LRRC36: variants seen among roughly 807,000 people sequenced by gnomAD.
LRRC36 encodes the protein leucine-rich repeat-containing protein 36.
A neutral mutation model predicts 81.1 loss-of-function variants in LRRC36; 62 were observed. The observed-to-expected ratio is 0.76, with a 90% CI of 0.62 to 0.94. The LOEUF is 0.94. Ranked by LOEUF, LRRC36 falls within the 40% of genes least tolerant of loss-of-function variation. The pLI, the probability that LRRC36 is intolerant of heterozygous loss-of-function variation, is 0.00. For synonymous variants in LRRC36, 334 were observed against 348.6 expected, an observed-to-expected ratio of 0.96 and a Z score of 0.47; for missense variants, 761 against 881.7, an observed-to-expected ratio of 0.86 and a Z score of 1.73.
intron 5 of LRRC36, among the ~76,000 whole-genome samples, chr16:67,362,957 A>G (rs1456724418): frequency 1.3e-5 from 2 of 152,038 alleles, no homozygotes; most frequent in East Asian, 1.9e-4. Flanking sequence ...TAATTTTTGT[A>G]TTTTTAGTAG....
At chr16:67,369,797 G>A (rs1251183109) in intron 8 of LRRC36, among the ~76,000 whole-genome samples, 2 of 152,154 alleles carry the variant, frequency 1.3e-5, no homozygotes, top group South Asian at 2.1e-4. Flanking sequence ...CTATCACCAA[G>A]AACAGCATGG....
intron 2 of LRRC36, among the ~76,000 whole-genome samples, chr16:67,343,638 T>C (rs1165642148): frequency 2.7e-5 from 4 of 149,000 alleles, no homozygotes; most frequent in African/African-American, 5.0e-5. Context: ...GAGGTTGCAG[T>C]GAGCCTAGAT....
chr16:67,346,525 C>G, intron 3 of LRRC36, 77 bp downstream of exon 3: 1 of 888,486 alleles, frequency 1.1e-6, no homozygotes, highest in Non-Finnish European at 1.7e-6. Context: ...TGGATGTTGG[C>G]CCACAGTGTG....
intron 4 of LRRC36, among the ~76,000 whole-genome samples, chr16:67,348,959 C>T (rs1324747718): frequency 6.6e-6 from 1 of 152,100 alleles, no homozygotes; most frequent in East Asian, 1.9e-4. Context: ...AGTGAACATT[C>T]TTAGTTTCCT....
rs771054996 is a variant in LRRC36 at position 67,363,713 on chromosome 16, A to G, written c.701A>G (p.Gln234Arg). 3 of 1,613,546 alleles carry G rather than the reference A, an allele frequency of 1.9e-6. No individual in the cohort carries two copies. Among genetic ancestry groups the G allele is most frequent in the South Asian group, 1.1e-5 (1 of 91,058 alleles). The change falls in exon 6 of 14, where the codon CAG (glutamine) becomes CGG (arginine). Residue 234 changes from glutamine to arginine, a missense_variant and splice_region_variant. By Grantham distance (43) the Gln-to-Arg change is conservative. Transcript: ENST00000329956. ...TTAGACACCTTCCCACTGGGGACAC[A>G]GGTAATGTATTCACTCTCCTGCTGA... is the stretch of plus-strand genomic sequence containing the variant. ...QKLDTFPLGTQTQEVARREMP... is the reference protein window; with the variant it reads ...QKLDTFPLGTRTQEVARREMP...
At chr16:67,365,811 C>G (rs901929652) in intron 7 of LRRC36, among the ~76,000 whole-genome samples, 5 of 152,014 alleles carry the variant, frequency 3.3e-5, no homozygotes, top group Admixed American at 3.3e-4. Context: ...TTACTCTTTC[C>G]TGACTTATAT....
Position 67,346,238 on chromosome 16 carries a change from G to T in LRRC36, c.199-18G>T, listed in dbSNP as rs1307447554. 6.8e-7 allele frequency: 1 copy of T among 1,462,174 alleles called. No individual in the cohort carries two copies. The highest frequency in any genetic ancestry group is 9.3e-7 in the Non-Finnish European group (1 of 1,072,288). 90.6% of individuals were successfully genotyped at this position (1,462,174 alleles called of 1,614,324 possible). A position where few individuals can be genotyped will look rare whatever the true frequency, so the allele number is the denominator to read the frequency against. On this transcript the variant is annotated intron_variant, in intron 2 of 13. Transcript: ENST00000329956. Reference sequence around the variant, plus strand: ...CTTTACCAATATGCCATTTCATAATGTGGTGTTTTCCTTGTAGGGAATCCA... The same window carrying T: ...CTTTACCAATATGCCATTTCATAATTTGGTGTTTTCCTTGTAGGGAATCCA...
At chr16:67,381,150 G>A (rs1400868344) in intron 12 of LRRC36, among the ~76,000 whole-genome samples, 2 of 150,834 alleles carry the variant, frequency 1.3e-5, no homozygotes, top group Non-Finnish European at 2.9e-5. Context: ...CTTGAACCCA[G>A]GAGGTGGAGG....
intron 11 of LRRC36, among the ~76,000 whole-genome samples, chr16:67,377,703 C>T (rs962869149): frequency 1.3e-5 from 2 of 151,182 alleles, no homozygotes; most frequent in Non-Finnish European, 2.9e-5. Context: ...GGTGCGATCT[C>T]GGCTCACTGC....
intron 1 of LRRC36, among the ~76,000 whole-genome samples, chr16:67,331,069 AAGAG>A (rs71145966): frequency 0.05 from 5,973 of 118,416 alleles, 236 homozygotes; most frequent in African/African-American, 0.11. Flanking sequence ...GTGAGAGAGA[AAGAG>A]AGAGAGAGAG....
intron 1 of LRRC36, among the ~76,000 whole-genome samples, chr16:67,332,397 C>A (rs1363252258): frequency 6.6e-6 from 1 of 151,610 alleles, no homozygotes; most frequent in African/African-American, 2.4e-5. Flanking sequence ...ACTAAAAATA[C>A]AAAAAAATTA....
intron 12 of LRRC36, 148 bp from the exon 13 acceptor site, chr16:67,381,985 A>T (rs1030719417): frequency 3.3e-6 from 2 of 606,112 alleles, no homozygotes; most frequent in Non-Finnish European, 6.0e-6. Flanking sequence ...TTGCCACCAT[A>T]TCTCCTATCT....
chr16:67,362,757 T>C (rs371188037), intron 5 of LRRC36, among the ~76,000 whole-genome samples: 1 of 144,784 alleles, frequency 6.9e-6, no homozygotes, highest in East Asian at 1.9e-4. Context: ...TTCTCTCTCT[T>C]TTTTTTGTTT....
intron 9 of LRRC36, chr16:67,371,763 CT>C: frequency 5.7e-6 from 1 of 176,024 alleles, no homozygotes; most frequent in Non-Finnish European, 1.2e-5. Flanking sequence ...GCCAGCTACT[CT>C]ACTCGGGAGG....
chr16:67,384,873 C>T lies in LRRC36; in HGVS notation c.2049C>T (p.Ser683=), dbSNP rs1171774464. 1.2e-6 allele frequency: 2 copies of T among 1,613,508 alleles called. No individual in the cohort carries two copies. The highest frequency in any genetic ancestry group is 1.7e-5 in the Admixed American group (1 of 60,008). ...GCCTTTTTCCCTTGGGCCTCAGATCCCTGGTGGTAACTAATGAGTATCTGC... is the reference window on the plus strand; with the variant it reads ...GCCTTTTTCCCTTGGGCCTCAGATCTCTGGTGGTAACTAATGAGTATCTGC... ...TVAILHESQR[S]LVVTNEYLLQ... The change falls in exon 14 of 14, where the codon TCC becomes TCT. Residue 683 remains serine (S), a synonymous_variant. Transcript: ENST00000329956.
intron 9 of LRRC36, among the ~76,000 whole-genome samples, chr16:67,374,260 AT>A (rs1177065066): frequency 1.3e-5 from 2 of 151,094 alleles, no homozygotes; most frequent in Non-Finnish European, 2.9e-5. Context: ...CCTTAGAGTA[AT>A]TTTTTATATT....
chr16:67,357,621 C>T (rs1449910303), intron 5 of LRRC36, among the ~76,000 whole-genome samples: 1 of 152,212 alleles, frequency 6.6e-6, no homozygotes, highest in Non-Finnish European at 1.5e-5. Context: ...GTACCCCTGC[C>T]TAGCTCTGTC....
At chr16:67,346,797 C>T (rs1266964473) in intron 3 of LRRC36, among the ~76,000 whole-genome samples, 1 of 152,042 alleles carries the variant, frequency 6.6e-6, no homozygotes, top group Non-Finnish European at 1.5e-5. Flanking sequence ...TATTTGGGGG[C>T]TTAGTTGGGG....
chr16:67,376,826 G>C lies in LRRC36; in HGVS notation c.1760G>C (p.Arg587Thr). 1 of 1,614,008 alleles carries C rather than the reference G, an allele frequency of 6.2e-7. No homozygotes were observed. The highest frequency in any genetic ancestry group is 8.5e-7 in the Non-Finnish European group (1 of 1,179,882). ...PEDTMKAFCRRELELKEAAQL... is the reference protein window; with the variant it reads ...PEDTMKAFCRTELELKEAAQL... ...GACACGATGAAAGCATTCTGCAGGA[G>C]GGAGCTTGAACTGAAGGAGGCTGCG... The change falls in exon 11 of 14, where the codon AGG becomes ACG. Residue 587 changes from arginine (R) to threonine (T), a missense_variant. By Grantham distance (71) the Arg-to-Thr change is moderately conservative (BLOSUM62 -1). Transcript: ENST00000329956.
Sources: gnomAD v4.1 joint callset for allele counts (sites outside exome capture counted in the v4.1 genomes callset) on GRCh38, gnomAD v4.1.1 for gene constraint, MANE v1.5 for transcripts, NCBI Gene and HGNC (gene_info 2026-07-23, HGNC 2026-07-21) for gene names.